MEI4: variants seen among roughly 807,000 people sequenced by gnomAD.
MEI4 encodes meiosis-specific protein MEI4.
In MEI4, 27 loss-of-function variants were observed where a neutral mutation model predicts 31.4. The observed-to-expected ratio is 0.86, with a 90% CI of 0.63 to 1.19. MEI4 has a LOEUF of 1.19. Among genes scored for constraint, MEI4 ranks in the 50% most tolerant of loss-of-function variants. The pLI, the probability that MEI4 is intolerant of heterozygous loss-of-function variation, is 0.00. For synonymous variants in MEI4, 122 were observed against 145.4 expected (o/e 0.84, Z 1.16); for missense variants, 329 against 398.9 (o/e 0.82, Z 1.49).
intron 4 of MEI4, among the ~76,000 whole-genome samples, chr6:77,854,032 T>TG (rs1484496924): frequency 2.0e-5 from 3 of 152,160 alleles, no homozygotes; most frequent in African/African-American, 7.2e-5. Context: ...AAAGAGACTG[T>TG]GTTAATTCTA....
chr6:77,832,908 A>AT (rs1562005817), intron 4 of MEI4, among the ~76,000 whole-genome samples: 1 of 152,092 alleles, frequency 6.6e-6, no homozygotes. Flanking sequence ...AGTTTAACAT[A>AT]TTTTTTATGT....
At chr6:77,716,050 T>C (rs1766575873) in intron 2 of MEI4, among the ~76,000 whole-genome samples, 1 of 152,230 alleles carries the variant, frequency 6.6e-6, no homozygotes, top group Admixed American at 6.5e-5. Flanking sequence ...AAGATTCTTT[T>C]AGCAGAAATT....
At chr6:77,717,051 G>T (rs1335862848) in intron 2 of MEI4, among the ~76,000 whole-genome samples, 1 of 145,126 alleles carries the variant, frequency 6.9e-6, no homozygotes, top group Non-Finnish European at 1.5e-5. Context: ...AAAGAAATAA[G>T]GGGACCCGGG....
intron 1 of MEI4, among the ~76,000 whole-genome samples, chr6:77,688,918 T>C (rs1020533337): frequency 1.3e-5 from 2 of 151,902 alleles, no homozygotes; most frequent in African/African-American, 4.8e-5. Context: ...GGGAGTGAAA[T>C]GGTTGTTGAG....
chr6:77,715,916 T>C (rs1766572240), intron 2 of MEI4, among the ~76,000 whole-genome samples: 1 of 152,256 alleles, frequency 6.6e-6, no homozygotes, highest in Admixed American at 6.5e-5. Context: ...CTCGGTTGTC[T>C]GGTTTGATAT....
At chr6:77,867,165 A>C (rs966612212) in intron 4 of MEI4, among the ~76,000 whole-genome samples, 1 of 152,162 alleles carries the variant, frequency 6.6e-6, no homozygotes, top group Non-Finnish European at 1.5e-5. Flanking sequence ...TAGGCATGGG[A>C]AAGGACTTCA....
rs76883848 is a variant in MEI4, at chr6:77,750,121, C to T, written c.233-11009C>T. On this transcript the variant is annotated intron_variant, in intron 2 of 4. Coordinates refer to ENST00000684080, the MANE Select transcript of MEI4 (RefSeq NM_001322247.2). ...GCCTTATGAGAGCTCCTGAATGAAG[C>T]GCTAAACATGGAAAGGAACAACCGG... Among the ~76,000 whole-genome samples, 960 of 152,198 alleles carry T rather than the reference C, an allele frequency of 6.3e-3. 21 individuals are homozygous for T. Among genetic ancestry groups the T allele is most frequent in the Admixed American group, 0.042 (649 of 15,276 alleles).
chr6:77,769,928 T>C (rs956225840), intron 3 of MEI4, among the ~76,000 whole-genome samples: 1 of 151,838 alleles, frequency 6.6e-6, no homozygotes, highest in Admixed American at 6.6e-5. Context: ...CATTCCCAGC[T>C]GTGGTAACTT....
intron 2 of MEI4, among the ~76,000 whole-genome samples, chr6:77,733,210 T>C (rs1217631503): frequency 6.6e-6 from 1 of 151,898 alleles, no homozygotes; most frequent in Admixed American, 6.6e-5. Flanking sequence ...TGGTACCAGC[T>C]CCTCCTAGTA....
chr6:77,792,352 T>G (rs1463002926), intron 3 of MEI4, among the ~76,000 whole-genome samples: 2 of 152,292 alleles, frequency 1.3e-5, no homozygotes, highest in East Asian at 3.9e-4. Flanking sequence ...GTTGTAGTTT[T>G]TCGGGGGAAC....
chr6:77,664,513 C>G (rs1317590946), intron 1 of MEI4, among the ~76,000 whole-genome samples: 1 of 152,086 alleles, frequency 6.6e-6, no homozygotes, highest in Non-Finnish European at 1.5e-5. Flanking sequence ...CTGTAAGCCC[C>G]ACCAGGTGTG....
chr6:77,791,678 TA>T (rs60957084), intron 3 of MEI4, among the ~76,000 whole-genome samples: 14,204 of 133,486 alleles, frequency 0.11, 762 homozygotes, highest in Admixed American at 0.16. Flanking sequence ...ACTTAAAGTA[TA>T]AAAAAAAAAA....
intron 4 of MEI4, among the ~76,000 whole-genome samples, chr6:77,851,864 G>T (rs527980658): frequency 6.6e-6 from 1 of 152,114 alleles, no homozygotes; most frequent in Admixed American, 6.6e-5. Flanking sequence ...ATGGTATCTG[G>T]TTAGTCTTTA....
At chr6:77,867,080 G>A (rs893244673) in intron 4 of MEI4, among the ~76,000 whole-genome samples, 1 of 151,994 alleles carries the variant, frequency 6.6e-6, no homozygotes, top group African/African-American at 2.4e-5. Context: ...AATTCAAGAT[G>A]GATTAAAGAC....
chr6:77,683,075 G>A (rs1226247430), intron 1 of MEI4, among the ~76,000 whole-genome samples: 2 of 152,228 alleles, frequency 1.3e-5, no homozygotes, highest in Non-Finnish European at 1.5e-5. Context: ...CTACACCTAA[G>A]CTGTTGTTGA....
chr6:77,804,531 G>A lies in MEI4; in HGVS notation c.769-24400G>A, dbSNP rs149941616. ...TCAGTTGGAAATGCAGAAATCACCC[G>A]TCTTCTATTTCGCTCACGCTGGGAT... On this transcript the variant is annotated intron_variant, in intron 3 of 4. Transcript: ENST00000684080. 1.5e-3 allele frequency among the ~76,000 whole-genome samples: 223 copies of A among 152,232 alleles called. 1 individual carries two copies. Among genetic ancestry groups the A allele is most frequent in the African/African-American group, 4.6e-3 (193 of 41,518 alleles).
At chr6:77,888,469 T>C (rs898593270) in intron 4 of MEI4, among the ~76,000 whole-genome samples, 18 of 152,266 alleles carry the variant, frequency 1.2e-4, no homozygotes, top group African/African-American at 4.1e-4. Flanking sequence ...TCCATGGTGA[T>C]GTATATTGGC....
intron 2 of MEI4, among the ~76,000 whole-genome samples, chr6:77,754,121 A>G (rs1767854051): frequency 6.6e-6 from 1 of 152,026 alleles, no homozygotes. Flanking sequence ...GGTTCTGGGG[A>G]GGGATGGCAT....
At chr6:77,880,223 T>G (rs1027315549) in intron 4 of MEI4, among the ~76,000 whole-genome samples, 1 of 143,060 alleles carries the variant, frequency 7.0e-6, no homozygotes, top group African/African-American at 2.7e-5. Context: ...ATTGTGGGGT[T>G]TTTTTTGTTT....
Sources: gnomAD v4.1 joint callset for allele counts (sites outside exome capture counted in the v4.1 genomes callset) on GRCh38, gnomAD v4.1.1 for gene constraint, MANE v1.5 for transcripts, NCBI Gene and HGNC (gene_info 2026-07-23, HGNC 2026-07-21) for gene names.